GLDC: variants seen among roughly 807,000 people sequenced by gnomAD.
GLDC encodes glycine decarboxylase.
A neutral mutation model predicts 121.3 loss-of-function variants in GLDC; 104 were observed. That is an observed-to-expected ratio of 0.86 (90% CI 0.73 to 1.01). The LOEUF is 1.01. Ranked by LOEUF, GLDC falls within the 50% of genes least tolerant of loss-of-function variation. GLDC has a pLI of 0.00. For synonymous variants in GLDC, 546 were observed against 480.6 expected, an observed-to-expected ratio of 1.14 and a Z score of -1.78; for missense variants, 1,429 against 1,306.6, an observed-to-expected ratio of 1.09 and a Z score of -1.44.
At chr9:6,630,280 A>G (rs1471462870) in intron 2 of GLDC, among the ~76,000 whole-genome samples, 3 of 152,108 alleles carry the variant, frequency 2.0e-5, no homozygotes, top group African/African-American at 7.2e-5. Flanking sequence ...GAAAAAAAAT[A>G]AATAAATAAA....
At chr9:6,631,646 C>T (rs1486224247) in intron 2 of GLDC, among the ~76,000 whole-genome samples, 2 of 152,194 alleles carry the variant, frequency 1.3e-5, no homozygotes, top group African/African-American at 2.4e-5. Context: ...GATTTGTTTT[C>T]CCTCTTTGCT....
chr9:6,575,148 G>A lies in GLDC; in HGVS notation c.1851-9719C>T, dbSNP rs1200908252. Among the ~76,000 whole-genome samples, 7 of 151,276 alleles carry A rather than the reference G, an allele frequency of 4.6e-5. No homozygotes were observed. The East Asian group carries it at 9.7e-4, about 21-fold the overall frequency. ...TTGAATTCGGGAGTCAGAGATTGCAGTGAGCTGAGATCATGCCACTGCACT... is the reference window on the plus strand; with the variant it reads ...TTGAATTCGGGAGTCAGAGATTGCAATGAGCTGAGATCATGCCACTGCACT... On this transcript the variant is annotated intron_variant, in intron 15 of 24. Coordinates refer to ENST00000321612, the MANE Select transcript of GLDC (RefSeq NM_000170.3).
intron 13 of GLDC, 54 bp downstream of exon 13, chr9:6,588,564 G>C: frequency 6.8e-7 from 1 of 1,478,926 alleles, no homozygotes; most frequent in Non-Finnish European, 9.5e-7. Flanking sequence ...GTAGGACCAA[G>C]AGACGTGGGA....
At chr9:6,631,643 T>TGG (rs1237180082) in intron 2 of GLDC, among the ~76,000 whole-genome samples, 2 of 152,228 alleles carry the variant, frequency 1.3e-5, no homozygotes, top group African/African-American at 4.8e-5. Context: ...GAGGATTTGT[T>TGG]TTCCCTCTTT....
At chr9:6,597,866 G>A (rs1164260739) in intron 8 of GLDC, among the ~76,000 whole-genome samples, 1 of 151,996 alleles carries the variant, frequency 6.6e-6, no homozygotes, top group East Asian at 1.9e-4. Context: ...AACCCGGGAG[G>A]CAGAGCTTCA....
At chr9:6,585,652 A>T (rs1448431637) in intron 15 of GLDC, among the ~76,000 whole-genome samples, 1 of 152,152 alleles carries the variant, frequency 6.6e-6, no homozygotes, top group Non-Finnish European at 1.5e-5. Context: ...TTGAAACAGA[A>T]ATTTTGCATT....
chr9:6,616,845 T>G (rs552605582), intron 3 of GLDC, among the ~76,000 whole-genome samples: 24 of 152,322 alleles, frequency 1.6e-4, no homozygotes, highest in African/African-American at 5.5e-4. Context: ...GACTTTCTTT[T>G]GGAATTGGGA....
Position 6,639,114 on chromosome 9 carries a change from A to C in GLDC, c.334+5500T>G, listed in dbSNP as rs560241771. ...AGTCCAATCTGCCTATTGAGAATTA[A>C]TGACAAAAACAGAGCTTTTTCACAA... On this transcript the variant is annotated intron_variant, in intron 2 of 24. Transcript: ENST00000321612. 32 of 724,706 alleles carry C rather than the reference A, an allele frequency of 4.4e-5. 1 individual carries two copies. The South Asian group carries it at 4.6e-4, about 10-fold the overall frequency. The allele number at this position is 724,706 out of a possible 1,614,324, so 44.9% of individuals were successfully genotyped here. A position where few individuals can be genotyped will look rare whatever the true frequency, so the allele number is the denominator to read the frequency against.
chr9:6,592,266 C>G, intron 10 of GLDC, 43 bp from the exon 11 acceptor site: 1 of 1,183,802 alleles, frequency 8.4e-7, no homozygotes, highest in Non-Finnish European at 1.3e-6. Context: ...ACTCTAAACT[C>G]CACATCACTG....
rs367987650 is a variant in GLDC at position 6,536,224 on chromosome 9, G to A, written c.2678C>T (p.Pro893Leu). ...KRLQDYGFHA[P>L]TMSWPVAGTL... ...CCCTGCCACAGGCCAGGACATGGTA[G>A]GGGCGTGAAATCCTGCAAAGGGAGA... The change falls in exon 23 of 25, where the codon CCT becomes CTT. Residue 893 changes from proline to leucine, a missense_variant. Physicochemically the swap from Pro to Leu is moderately conservative, Grantham distance 98. Transcript: ENST00000321612. 6 of 1,613,700 alleles carry A rather than the reference G, an allele frequency of 3.7e-6. No homozygotes were observed. The African/African-American group carries it at 8.0e-5, about 22-fold the overall frequency.
rs1818052815 is a variant in GLDC at position 6,575,761 on chromosome 9, C to T, written c.1851-10332G>A. ...ACATATCCATGGGAGGTGTTAATTA[C>T]TCTTTCTGTCTGCCTTAAACATCAC... On this transcript the variant is annotated intron_variant, in intron 15 of 24. Coordinates refer to ENST00000321612, the MANE Select transcript of GLDC (RefSeq NM_000170.3). Among the ~76,000 whole-genome samples the T allele has an allele frequency of 2.0e-5, 3 of 152,314 alleles. No homozygotes were observed. In the South Asian group the frequency reaches 6.2e-4, roughly 32 times the overall value.
chr9:6,549,273 A>AT (rs1817459596), intron 21 of GLDC, among the ~76,000 whole-genome samples: 1 of 150,982 alleles, frequency 6.6e-6, no homozygotes, highest in South Asian at 2.1e-4. Flanking sequence ...AAGCAGGCGC[A>AT]GCCTCCACTC....
intron 18 of GLDC, among the ~76,000 whole-genome samples, chr9:6,555,663 G>A (rs933010714): frequency 6.6e-6 from 1 of 152,010 alleles, no homozygotes; most frequent in African/African-American, 2.4e-5. Context: ...GTGGCAGCAT[G>A]CACCTGTAGT....
chr9:6,599,525 A>C (rs914798903), intron 8 of GLDC, among the ~76,000 whole-genome samples: 1 of 152,090 alleles, frequency 6.6e-6, no homozygotes, highest in African/African-American at 2.4e-5. Context: ...GTTCGAGACC[A>C]GCCTGACCAA....
intron 9 of GLDC, 56 bp downstream of exon 9, chr9:6,594,957 TA>T: frequency 9.5e-7 from 1 of 1,049,070 alleles, no homozygotes; most frequent in Non-Finnish European, 1.5e-6. Flanking sequence ...TTTTCAATTT[TA>T]CTCAAATTTA....
At chr9:6,583,326 A>G (rs748207181) in intron 15 of GLDC, among the ~76,000 whole-genome samples, 4 of 152,188 alleles carry the variant, frequency 2.6e-5, no homozygotes, top group African/African-American at 7.2e-5. Flanking sequence ...GTGTCCCTCA[A>G]TTGATGAAGG....
At chr9:6,558,496 C>A in intron 17 of GLDC, 63 bp downstream of exon 17, 2 of 1,579,408 alleles carry the variant, frequency 1.3e-6, no homozygotes, top group Non-Finnish European at 1.7e-6. Flanking sequence ...TCCATCAAGT[C>A]CCTGATCCCC....
At chr9:6,588,552 A>C in intron 13 of GLDC, 66 bp downstream of exon 13, 1 of 1,451,220 alleles carries the variant, frequency 6.9e-7, no homozygotes, top group Non-Finnish European at 9.7e-7. Context: ...GGAGCATATT[A>C]GGTAGGACCA....
chr9:6,534,541 C>T (rs548242007), intron 24 of GLDC, among the ~76,000 whole-genome samples, 167 bp downstream of exon 24: 2 of 152,286 alleles, frequency 1.3e-5, no homozygotes, highest in East Asian at 1.9e-4. Context: ...TGTGTGACCT[C>T]GCCTCTGAAA....
Sources: allele counts gnomAD v4.1 joint callset (sites outside exome capture counted in the v4.1 genomes callset), GRCh38; gene constraint gnomAD v4.1.1; transcripts MANE v1.5; gene names NCBI Gene and HGNC (gene_info 2026-07-23, HGNC 2026-07-21).